ATRNL1: variants seen among roughly 807,000 people sequenced by gnomAD.
ATRNL1 encodes the protein attractin-like protein 1.
ATRNL1 carries 95 observed loss-of-function variants against 182.7 expected under a neutral mutation model. That is an observed-to-expected ratio of 0.52 (90% CI 0.44 to 0.62). The LOEUF is 0.62. ATRNL1 is among the 20% of genes least tolerant of loss of function. The pLI is 0.00. For missense variants in ATRNL1, 1,471 were observed against 1,679.5 expected (o/e 0.88, Z 2.17); for synonymous variants, 576 against 568.3 (o/e 1.01, Z -0.19).
chr10:115,335,114 C>G (rs1855419948), intron 19 of ATRNL1, among the ~76,000 whole-genome samples: 1 of 152,146 alleles, frequency 6.6e-6, no homozygotes, highest in Non-Finnish European at 1.5e-5. Context: ...CCTCCATCTT[C>G]CTCTCTATTC....
In ATRNL1 at chr10:115,608,494, T is replaced by A. The variant is rs571422309; in HGVS notation, c.3795+58958T>A. Among the ~76,000 whole-genome samples the A allele has an allele frequency of 5.3e-5, 8 of 152,172 alleles. No individual in the cohort carries two copies. In the South Asian group the frequency reaches 1.7e-3, roughly 32 times the overall value. ...ACATACCATACTTTTGGACAAAAGT[T>A]TATTATAACCCTATATTATAATAGG... On this transcript the variant is annotated intron_variant, in intron 26 of 28. Transcript: ENST00000355044.
chr10:115,909,983 G>A (rs1952624489), intron 28 of ATRNL1, among the ~76,000 whole-genome samples: 2 of 152,192 alleles, frequency 1.3e-5, no homozygotes, highest in Admixed American at 6.5e-5. Context: ...TACTGAGGAT[G>A]TTGCAACCTG....
chr10:115,484,632 G>A (rs987183326), intron 24 of ATRNL1, among the ~76,000 whole-genome samples: 2 of 151,438 alleles, frequency 1.3e-5, no homozygotes, highest in Admixed American at 1.3e-4. Flanking sequence ...TAGCATCTTA[G>A]CTTATATTTA....
intron 28 of ATRNL1, among the ~76,000 whole-genome samples, chr10:115,872,116 A>G (rs1460047153): frequency 2.6e-5 from 4 of 152,210 alleles, no homozygotes; most frequent in Non-Finnish European, 5.9e-5. Context: ...TCTATGGTTA[A>G]ATCCAATTCT....
intron 16 of ATRNL1, among the ~76,000 whole-genome samples, chr10:115,300,729 G>A (rs564332726): frequency 1.3e-5 from 2 of 152,206 alleles, no homozygotes; most frequent in South Asian, 4.1e-4. Context: ...ATGGTAAAAT[G>A]TACTTAAAAT....
chr10:115,899,386 G>A (rs1048300811), intron 28 of ATRNL1, among the ~76,000 whole-genome samples: 10 of 151,998 alleles, frequency 6.6e-5, no homozygotes, highest in African/African-American at 1.9e-4. Context: ...TCGGCTCACC[G>A]CAACCTCCAC....
intron 28 of ATRNL1, among the ~76,000 whole-genome samples, chr10:115,875,030 G>T (rs1466453641): frequency 6.6e-6 from 1 of 152,190 alleles, no homozygotes; most frequent in Non-Finnish European, 1.5e-5. Context: ...AGGCAGGTGA[G>T]GGTCTAGATT....
At chr10:115,299,183 AT>A (rs1407393802) in intron 15 of ATRNL1, among the ~76,000 whole-genome samples, 2 of 151,820 alleles carry the variant, frequency 1.3e-5, no homozygotes, top group Admixed American at 6.6e-5. Context: ...TATCATATAT[AT>A]TAAAATAGAG....
At chr10:115,697,428 C>A (rs889448409) in intron 26 of ATRNL1, among the ~76,000 whole-genome samples, 1 of 152,058 alleles carries the variant, frequency 6.6e-6, no homozygotes, top group Non-Finnish European at 1.5e-5. Flanking sequence ...TGGGCTAAAG[C>A]AATTCTGGCA....
chr10:115,879,027 G>A (rs1388663706), intron 28 of ATRNL1, among the ~76,000 whole-genome samples: 1 of 151,088 alleles, frequency 6.6e-6, no homozygotes, highest in Non-Finnish European at 1.5e-5. Flanking sequence ...TGTTAAAAAG[G>A]TTTATGTATG....
At chr10:115,941,040 C>A (rs1379567801) in intron 28 of ATRNL1, among the ~76,000 whole-genome samples, 2 of 152,114 alleles carry the variant, frequency 1.3e-5, no homozygotes, top group African/African-American at 2.4e-5. Context: ...CATTGTTTGG[C>A]CCATCAAATG....
At chr10:115,147,113 T>C (rs575995225) in intron 5 of ATRNL1, among the ~76,000 whole-genome samples, 8 of 152,274 alleles carry the variant, frequency 5.3e-5, no homozygotes, top group African/African-American at 1.9e-4. Flanking sequence ...GAGTTCCCTT[T>C]TCTGTGTATC....
At chr10:115,448,456 A>G (rs1324361100) in intron 21 of ATRNL1, among the ~76,000 whole-genome samples, 2 of 152,238 alleles carry the variant, frequency 1.3e-5, no homozygotes, top group East Asian at 3.8e-4. Context: ...GGAGAAATCA[A>G]GAAGTTCTTT....
In ATRNL1 at chr10:115,367,572, C is replaced by T. The variant is rs1401278852; in HGVS notation, c.3176-27087C>T. ...TTCCGTTGCTGGTGAGGAACTGCGT[C>T]CCTTTGGAGGAGGAGAGGAACTCTG... is the stretch of plus-strand genomic sequence containing the variant. On this transcript the variant is annotated intron_variant, in intron 19 of 28. Coordinates refer to ENST00000355044, the MANE Select transcript of ATRNL1 (RefSeq NM_207303.4). Among the ~76,000 whole-genome samples the T allele has an allele frequency of 4.3e-3, 649 of 150,908 alleles. 2 individuals carry two copies. Among genetic ancestry groups the T allele is most frequent in the African/African-American group, 0.011 (438 of 41,084 alleles).
chr10:115,873,250 T>C (rs1555106521), intron 28 of ATRNL1, among the ~76,000 whole-genome samples: 1 of 152,208 alleles, frequency 6.6e-6, no homozygotes, highest in Non-Finnish European at 1.5e-5. Flanking sequence ...AGAAAAATCT[T>C]GCCAAGGCAA....
At chr10:115,857,646 C>T (rs939840053) in intron 28 of ATRNL1, among the ~76,000 whole-genome samples, 7 of 151,946 alleles carry the variant, frequency 4.6e-5, no homozygotes, top group African/African-American at 1.2e-4. Context: ...TATATCTTTC[C>T]GTCACTTTTG....
Position 115,598,350 on chromosome 10 carries a change from A to ATTTATTTATTTATTTATTTATTTAT in ATRNL1, c.3795+48816_3795+48817insTATTTATTTATTTATTTATTTATTT, listed in dbSNP as rs60852354. Reference sequence around the variant, plus strand: ...CATTTTACATTATTTATTTAAAAAAATTATTTATTTATTTATTTATTTATT... The same window carrying ATTTATTTATTTATTTATTTATTTAT: ...CATTTTACATTATTTATTTAAAAAAATTTATTTATTTATTTATTTATTTATTTATTTATTTATTTATTTATTTATT... On this transcript the variant is annotated intron_variant, in intron 26 of 28. Transcript: ENST00000355044. Among the ~76,000 whole-genome samples the ATTTATTTATTTATTTATTTATTTAT allele has an allele frequency of 1.8e-3, 264 of 145,852 alleles. 1 individual carries two copies. Among genetic ancestry groups the ATTTATTTATTTATTTATTTATTTAT allele is most frequent in the African/African-American group, 3.8e-3 (149 of 38,780 alleles).
chr10:115,172,983 C>A (rs1847353466), intron 8 of ATRNL1, among the ~76,000 whole-genome samples: 1 of 151,920 alleles, frequency 6.6e-6, no homozygotes, highest in South Asian at 2.1e-4. Flanking sequence ...CTATTTCATA[C>A]CTTTTCCTCT....
chr10:115,587,360 C>T (rs1455755744), intron 26 of ATRNL1, among the ~76,000 whole-genome samples: 25 of 152,016 alleles, frequency 1.6e-4, no homozygotes, highest in Admixed American at 9.8e-4. Flanking sequence ...CCCCCAGCCT[C>T]GCTGCCGCCT....
Sources: allele counts gnomAD v4.1 joint callset (sites outside exome capture counted in the v4.1 genomes callset), GRCh38; gene constraint gnomAD v4.1.1; transcripts MANE v1.5; gene names NCBI Gene and HGNC (gene_info 2026-07-23, HGNC 2026-07-21).